Variants in SPTLC1 observed in about 807,000 individuals in gnomAD.
SPTLC1 encodes serine palmitoyltransferase long chain base subunit 1, also known as serine palmitoyltransferase 1.
In SPTLC1, 55 loss-of-function variants were observed where a neutral mutation model predicts 68.9. That is an observed-to-expected ratio of 0.80 (90% CI 0.64 to 1.00). SPTLC1 has a LOEUF of 1.00. Among genes scored for constraint, SPTLC1 ranks in the 50% least tolerant of loss-of-function variants. SPTLC1 has a pLI of 0.00. For missense variants in SPTLC1, 449 were observed against 573.1 expected, an observed-to-expected ratio of 0.78 and a Z score of 2.21; for synonymous variants, 197 against 201.6, an observed-to-expected ratio of 0.98 and a Z score of 0.19.
intron 3 of SPTLC1, among the ~76,000 whole-genome samples, chr9:92,091,344 T>C (rs1217076635): frequency 1.3e-5 from 2 of 152,178 alleles, no homozygotes; most frequent in Non-Finnish European, 2.9e-5. Context: ...TTTTGAGGGA[T>C]AGCAACATAC....
chr9:92,115,398 G>C lies in SPTLC1; in HGVS notation c.-28C>G. The C allele has an allele frequency of 6.2e-7, 1 of 1,612,034 alleles. No homozygotes were observed. Among genetic ancestry groups the C allele is most frequent in the Non-Finnish European group, 8.5e-7 (1 of 1,178,902 alleles). ...TTAGCCGCTTCCTTCCGGAAGGCGGGTCACAAGCGCGTCCCAAAAGTGCGC... is the reference window on the plus strand; with the variant it reads ...TTAGCCGCTTCCTTCCGGAAGGCGGCTCACAAGCGCGTCCCAAAAGTGCGC... On this transcript the variant is annotated 5_prime_UTR_variant, in exon 1 of 15. Coordinates refer to ENST00000262554, the MANE Select transcript of SPTLC1 (RefSeq NM_006415.4).
intron 5 of SPTLC1, among the ~76,000 whole-genome samples, chr9:92,075,225 G>A (rs897877523): frequency 2.0e-5 from 3 of 152,002 alleles, no homozygotes; most frequent in Non-Finnish European, 4.4e-5. Flanking sequence ...CAACATAGGT[G>A]TGCACTTCCA....
intron 5 of SPTLC1, among the ~76,000 whole-genome samples, chr9:92,073,004 T>C (rs1834553035): frequency 6.9e-6 from 1 of 145,950 alleles, no homozygotes; most frequent in South Asian, 2.2e-4. Context: ...CAGAACCGAG[T>C]TCTACCCACA....
intron 12 of SPTLC1, among the ~76,000 whole-genome samples, chr9:92,041,650 A>G (rs555830998): frequency 6.6e-6 from 1 of 152,220 alleles, no homozygotes; most frequent in East Asian, 1.9e-4. Flanking sequence ...CCTAACACTG[A>G]CTCCTATGTT....
chr9:92,073,635 A>AT (rs139179848), intron 5 of SPTLC1, among the ~76,000 whole-genome samples: 11,473 of 152,216 alleles, frequency 0.075, 804 homozygotes, highest in East Asian at 0.27. Flanking sequence ...CTTAACATGC[A>AT]TTTTATTACC....
intron 6 of SPTLC1, among the ~76,000 whole-genome samples, chr9:92,063,595 A>T (rs1334795191): frequency 2.0e-5 from 3 of 152,192 alleles, no homozygotes; most frequent in Admixed American, 2.0e-4. Flanking sequence ...ACACAGATTC[A>T]AAATCCTTAA....
intron 14 of SPTLC1, among the ~76,000 whole-genome samples, chr9:92,034,259 A>T (rs1345135195): frequency 6.6e-6 from 1 of 152,168 alleles, no homozygotes; most frequent in African/African-American, 2.4e-5. Context: ...GGGATGGCCA[A>T]CTCCTTGGAC....
intron 3 of SPTLC1, among the ~76,000 whole-genome samples, chr9:92,095,962 C>T (rs1229859879): frequency 6.6e-6 from 1 of 152,180 alleles, no homozygotes; most frequent in Non-Finnish European, 1.5e-5. Flanking sequence ...CCCTCCTCCA[C>T]CCTGAAGAAG....
chr9:92,059,309 CT>C lies in SPTLC1; in HGVS notation c.561-2del. 6.2e-7 allele frequency: 1 copy of C among 1,613,092 alleles called. No individual in the cohort carries two copies. The highest frequency in any genetic ancestry group is 8.5e-7 in the Non-Finnish European group (1 of 1,179,978). On this transcript the variant is annotated splice_acceptor_variant, in intron 6 of 14. Coordinates refer to ENST00000262554, the MANE Select transcript of SPTLC1 (RefSeq NM_006415.4). LOFTEE classifies it high-confidence loss of function. Reference sequence around the variant, plus strand: ...AATAGCAAAGCAGGCAGCTCTATCTCTGCAAGGAAAAGAGATCCACCAAATT... The same window carrying C: ...AATAGCAAAGCAGGCAGCTCTATCTCGCAAGGAAAAGAGATCCACCAAATT...
At chr9:92,112,422 C>A in intron 2 of SPTLC1, 33 bp downstream of exon 2, 2 of 1,424,862 alleles carry the variant, frequency 1.4e-6, no homozygotes, top group Non-Finnish European at 2.0e-6. Context: ...TAATCACATA[C>A]CCAATAATTA....
At chr9:92,046,765 A>G (rs1833527417) in intron 11 of SPTLC1, among the ~76,000 whole-genome samples, 1 of 152,256 alleles carries the variant, frequency 6.6e-6, no homozygotes, top group Admixed American at 6.5e-5. Flanking sequence ...TTCAAAGGCT[A>G]AAGGTGAAAA....
At chr9:92,061,380 C>G (rs1448606998) in intron 6 of SPTLC1, among the ~76,000 whole-genome samples, 1 of 152,142 alleles carries the variant, frequency 6.6e-6, no homozygotes, top group Non-Finnish European at 1.5e-5. Context: ...TAACTGTCAA[C>G]CCAGAATCCT....
chr9:92,038,447 A>C, intron 12 of SPTLC1, 82 bp from the exon 13 acceptor site: 3 of 916,882 alleles, frequency 3.3e-6, no homozygotes, highest in Non-Finnish European at 5.5e-6. Context: ...TTAGAAGTCC[A>C]CAATGTCAAG....
Position 92,061,238 on chromosome 9 carries a change from A to G in SPTLC1, c.561-1930T>C, listed in dbSNP as rs926556000. ...CTTCTGAAAACAAATGACAAAAAAA[A>G]TCTTGAAAGCAGCCAGAGAAAAATG... On this transcript the variant is annotated intron_variant, in intron 6 of 14. Transcript: ENST00000262554. Among the ~76,000 whole-genome samples the G allele has an allele frequency of 4.6e-5, 7 of 152,332 alleles. 1 individual carries two copies. Among genetic ancestry groups the G allele is most frequent in the Admixed American group, 3.3e-4 (5 of 15,304 alleles).
At chr9:92,036,581 C>T (rs1209556810) in intron 13 of SPTLC1, among the ~76,000 whole-genome samples, 1 of 152,186 alleles carries the variant, frequency 6.6e-6, no homozygotes, top group African/African-American at 2.4e-5. Flanking sequence ...TACTCAGACC[C>T]AACACCAGCG....
chr9:92,082,560 G>C (rs1227688226), intron 3 of SPTLC1, among the ~76,000 whole-genome samples: 1 of 151,494 alleles, frequency 6.6e-6, no homozygotes, highest in African/African-American at 2.4e-5. Context: ...CCCTACAAAG[G>C]ACATGAACTC....
chr9:92,096,009 T>C (rs1198370586), intron 3 of SPTLC1, among the ~76,000 whole-genome samples: 7 of 152,180 alleles, frequency 4.6e-5, no homozygotes, highest in African/African-American at 1.7e-4. Context: ...CTGGAAGTCC[T>C]AAGAATGAGT....
chr9:92,086,111 C>T (rs1409904603), intron 3 of SPTLC1, among the ~76,000 whole-genome samples: 1 of 151,818 alleles, frequency 6.6e-6, no homozygotes, highest in Non-Finnish European at 1.5e-5. Context: ...CTTCCTCCAT[C>T]CTTTTATTTT....
chr9:92,051,856 T>C (rs1024409842), intron 8 of SPTLC1, among the ~76,000 whole-genome samples: 1 of 152,182 alleles, frequency 6.6e-6, no homozygotes, highest in African/African-American at 2.4e-5. Context: ...ATTCCATTTA[T>C]AGTAGAATAA....
Sources: gnomAD v4.1 joint callset for allele counts (sites outside exome capture counted in the v4.1 genomes callset) on GRCh38, gnomAD v4.1.1 for gene constraint, MANE v1.5 for transcripts, NCBI Gene and HGNC (gene_info 2026-07-23, HGNC 2026-07-21) for gene names.